Variants in CHN1 observed in about 807,000 individuals in gnomAD.
The protein encoded by CHN1 is chimerin 1.
Under a neutral mutation model 59.5 loss-of-function variants are expected in CHN1, and 37 were observed. That is an observed-to-expected ratio of 0.62 (90% CI 0.48 to 0.82). The LOEUF (loss-of-function observed/expected upper bound fraction) is 0.82, where lower values mean the gene tolerates loss of function less well. Among genes scored for constraint, CHN1 ranks in the 40% least tolerant of loss-of-function variants. CHN1 has a pLI of 0.00. For synonymous variants in CHN1, 206 were observed against 200.4 expected, an observed-to-expected ratio of 1.03 and a Z score of -0.24; for missense variants, 469 against 571.0, an observed-to-expected ratio of 0.82 and a Z score of 1.82.
At chr2:174,911,538 G>C (rs534614071) in intron 5 of CHN1, among the ~76,000 whole-genome samples, 291 of 152,316 alleles carry the variant, frequency 1.9e-3, no homozygotes, top group Middle Eastern at 6.8e-3. Context: ...AGCATAGGTA[G>C]AAAAGCCAGA....
At chr2:174,878,853 C>T (rs1687652639) in intron 5 of CHN1, among the ~76,000 whole-genome samples, 1 of 152,204 alleles carries the variant, frequency 6.6e-6, no homozygotes, top group African/African-American at 2.4e-5. Flanking sequence ...TGATGATGTG[C>T]TCTAACAACT....
At chr2:174,843,978 G>C (rs1410383942) in intron 7 of CHN1, among the ~76,000 whole-genome samples, 1 of 151,678 alleles carries the variant, frequency 6.6e-6, no homozygotes, top group African/African-American at 2.4e-5. Context: ...CTTTCTCTGT[G>C]TGTGTGTGTG....
intron 7 of CHN1, among the ~76,000 whole-genome samples, chr2:174,838,254 C>A (rs111810209): frequency 6.6e-6 from 1 of 152,058 alleles, no homozygotes; most frequent in East Asian, 1.9e-4. Flanking sequence ...CCATCACGCC[C>A]GGCTAATTTT....
chr2:174,893,134 A>G (rs531630331), intron 5 of CHN1, among the ~76,000 whole-genome samples: 1 of 152,338 alleles, frequency 6.6e-6, no homozygotes, highest in South Asian at 2.1e-4. Context: ...ATTAGGCAAG[A>G]AAAAGAAATT....
chr2:175,004,842 A>C, intron 1 of CHN1, 52 bp downstream of exon 1: 3 of 1,241,834 alleles, frequency 2.4e-6, no homozygotes, highest in Non-Finnish European at 3.1e-6. Context: ...CCCGCCCCCG[A>C]GCCCCGGGAC....
intron 1 of CHN1, among the ~76,000 whole-genome samples, chr2:174,970,403 A>G (rs949000929): frequency 2.0e-5 from 3 of 152,222 alleles, no homozygotes; most frequent in African/African-American, 7.2e-5. Context: ...CGACTCCAAC[A>G]AAAATAACTA....
At chr2:174,974,252 T>C (rs1690849877) in intron 1 of CHN1, among the ~76,000 whole-genome samples, 1 of 152,234 alleles carries the variant, frequency 6.6e-6, no homozygotes, top group Non-Finnish European at 1.5e-5. Context: ...TTATTTGTTA[T>C]TCAAAAAGCA....
intron 7 of CHN1, among the ~76,000 whole-genome samples, chr2:174,826,377 C>G (rs973040827): frequency 1.1e-4 from 16 of 152,106 alleles, no homozygotes; most frequent in African/African-American, 3.9e-4. Context: ...AGTGCTGATT[C>G]AGAAAGAGAG....
chr2:174,826,621 G>A (rs913989262), intron 7 of CHN1, among the ~76,000 whole-genome samples: 3 of 152,186 alleles, frequency 2.0e-5, no homozygotes, highest in Admixed American at 1.3e-4. Flanking sequence ...AAGAGTAGAA[G>A]GTGTTTTGTT....
intron 4 of CHN1, among the ~76,000 whole-genome samples, chr2:174,915,579 A>C (rs1458254348): frequency 6.6e-6 from 1 of 152,122 alleles, no homozygotes; most frequent in Non-Finnish European, 1.5e-5. Context: ...CACTGCTCCA[A>C]AATTTTGGCT....
rs1688595360 is a variant in CHN1, at chr2:174,908,198, AT to A, written c.260+6859del. On this transcript the variant is annotated intron_variant, in intron 5 of 12. Transcript: ENST00000409900. The stretch of plus-strand genomic sequence containing the variant: ...ACAGAAATGTCTCTGGAGTTGCCAA[AT>A]TTGGAGTTAACAAGTTCTCTTCAAA... Among the ~76,000 whole-genome samples, 3 of 152,204 alleles carry A rather than the reference AT, an allele frequency of 2.0e-5. No individual in the cohort carries two copies. The South Asian group carries it at 6.2e-4, about 31-fold the overall frequency.
At chr2:174,812,205 A>G in intron 9 of CHN1, 104 bp downstream of exon 9, 1 of 894,400 alleles carries the variant, frequency 1.1e-6, no homozygotes, top group Non-Finnish European at 1.6e-6. Context: ...TCCCCTCCAA[A>G]TTACAGAAGA....
intron 1 of CHN1, among the ~76,000 whole-genome samples, chr2:174,999,892 C>T (rs1021714130): frequency 2.6e-5 from 4 of 152,178 alleles, no homozygotes; most frequent in African/African-American, 9.6e-5. Context: ...TATAATTATA[C>T]ATATCACTGT....
At chr2:174,899,626 A>G (rs899286068) in intron 5 of CHN1, among the ~76,000 whole-genome samples, 5 of 152,228 alleles carry the variant, frequency 3.3e-5, no homozygotes, top group Non-Finnish European at 7.3e-5. Flanking sequence ...TTACTATAGG[A>G]TCCTTTACAG....
intron 7 of CHN1, among the ~76,000 whole-genome samples, chr2:174,842,817 T>C (rs549284194): frequency 1.3e-5 from 2 of 152,354 alleles, no homozygotes; most frequent in East Asian, 1.9e-4. Flanking sequence ...TGTTACAGTG[T>C]TATTTTAATT....
rs1390131073 is a variant in CHN1, at chr2:174,877,910, T to A, written c.479A>T (p.His160Leu). ...ATGTGTCTCTTTCAGGACTGGCATA[T>A]GTTTTTTGTATGCTGGCTCTCTGTT... ...TLNREPAYKKHMPVLKETHDE... is the reference protein window; with the variant it reads ...TLNREPAYKKLMPVLKETHDE... Residue 160 changes from histidine (H) to leucine (L), a missense_variant, in exon 6 of 13, where the codon CAT (histidine) becomes CTT (leucine). This residue lies in a region of CHN1 where 81 missense variants were observed against 71.7 expected (regional missense o/e 1.13). Transcript: ENST00000409900. 6.2e-7 allele frequency: 1 copy of A among 1,613,898 alleles called. No individual in the cohort carries two copies. The highest frequency in any genetic ancestry group is 1.1e-5 in the South Asian group (1 of 91,076).
At chr2:174,953,799 A>G (rs1320366167) in intron 1 of CHN1, among the ~76,000 whole-genome samples, 1 of 152,220 alleles carries the variant, frequency 6.6e-6, no homozygotes, top group Non-Finnish European at 1.5e-5. Context: ...TAGATGAAAC[A>G]AACAAATGGA....
intron 6 of CHN1, among the ~76,000 whole-genome samples, chr2:174,858,569 A>G (rs1224398298): frequency 6.6e-6 from 1 of 152,194 alleles, no homozygotes; most frequent in Admixed American, 6.6e-5. Context: ...TTTATAAGAT[A>G]ATGATGTTTG....
chr2:174,957,636 A>G (rs1005547431), intron 1 of CHN1, among the ~76,000 whole-genome samples: 15 of 152,216 alleles, frequency 9.9e-5, no homozygotes, highest in African/African-American at 3.6e-4. Flanking sequence ...CCAGTTTATA[A>G]CAGGACACCC....
Sources: gnomAD v4.1 joint callset for allele counts (sites outside exome capture counted in the v4.1 genomes callset) on GRCh38, gnomAD v4.1.1 for gene constraint, gnomAD v4.1.1 regional missense constraint, MANE v1.5 for transcripts, NCBI Gene and HGNC (gene_info 2026-07-23, HGNC 2026-07-21) for gene names.